Variants in FBLN7 observed in about 807,000 individuals in gnomAD.
FBLN7 encodes the protein fibulin-7.
Under a neutral mutation model 44.0 loss-of-function variants are expected in FBLN7, and 31 were observed. The ratio of observed to expected loss-of-function variants is 0.70; its 90% CI spans 0.53 to 0.95. The LOEUF (loss-of-function observed/expected upper bound fraction) is 0.95. FBLN7 is among the 40% of genes least tolerant of loss of function. FBLN7 has a pLI of 0.00. For missense variants in FBLN7, 573 were observed against 618.5 expected, an observed-to-expected ratio of 0.93 and a Z score of 0.78; for synonymous variants, 262 against 253.4, an observed-to-expected ratio of 1.03 and a Z score of -0.32.
chr2:112,168,384 C>T (rs1682278554), intron 3 of FBLN7, among the ~76,000 whole-genome samples: 1 of 152,220 alleles, frequency 6.6e-6, no homozygotes, highest in Non-Finnish European at 1.5e-5. Flanking sequence ...TCTCTTGAAG[C>T]ATAGATGGGG....
the FBLN7 span, among the ~76,000 whole-genome samples, chr2:112,233,545 ATCT>A: frequency 0.13 from 19,117 of 152,200 alleles, 1,361 homozygotes; most frequent in Non-Finnish European, 0.16. Flanking sequence ...TCTGCTTAAA[ATCT>A]TCTTAAGTCC....
the FBLN7 span, chr2:112,234,085 C>A: frequency 8.1e-7 from 1 of 1,229,974 alleles, no homozygotes; most frequent in Non-Finnish European, 1.1e-6. Flanking sequence ...AGCAGTTTTA[C>A]ATTTTAGTAG....
At chr2:112,175,163 G>C (rs977824699) in intron 3 of FBLN7, among the ~76,000 whole-genome samples, 1 of 152,172 alleles carries the variant, frequency 6.6e-6, no homozygotes, top group Non-Finnish European at 1.5e-5. Context: ...AGCACAGTAG[G>C]GCTTCTGGTT....
chr2:112,143,508 T>A (rs554511939), intron 1 of FBLN7, among the ~76,000 whole-genome samples: 2 of 152,222 alleles, frequency 1.3e-5, no homozygotes, highest in Non-Finnish European at 2.9e-5. Context: ...TTTGATACAT[T>A]GCTTTTTATA....
the FBLN7 span, among the ~76,000 whole-genome samples, chr2:112,244,224 C>T: frequency 1.3e-5 from 2 of 151,994 alleles, no homozygotes; most frequent in African/African-American, 4.8e-5. Flanking sequence ...TAAATTTCAC[C>T]TTTGTAACAC....
At chr2:112,165,768 T>C (rs1017612126) in intron 3 of FBLN7, among the ~76,000 whole-genome samples, 17 of 152,200 alleles carry the variant, frequency 1.1e-4, no homozygotes, top group African/African-American at 3.4e-4. Context: ...GAGAGTCCAC[T>C]GTGTCGGGGA....
In FBLN7 at chr2:112,187,280, G is replaced by A. The variant is rs200640724; in HGVS notation, c.1094G>A (p.Arg365Gln). ...FRMATASAPG[R>Q]AGPNSLRFGI... Reference sequence around the variant, plus strand: ...ATGGCCACAGCCTCTGCCCCCGGCCGAGCTGGGCCCAACAGCCTGCGGTTT... The same window carrying A: ...ATGGCCACAGCCTCTGCCCCCGGCCAAGCTGGGCCCAACAGCCTGCGGTTT... Residue 365 changes from arginine (R) to glutamine (Q), a missense_variant, in exon 8 of 8, where the codon CGA (arginine) becomes CAA (glutamine). Coordinates refer to ENST00000331203, the MANE Select transcript of FBLN7 (RefSeq NM_153214.3). This position sits in a 1 kb window ranked among gnomAD's most constrained non-coding sequence, Gnocchi z 5.1. 9.9e-5 allele frequency: 159 copies of A among 1,614,140 alleles called. No individual in the cohort carries two copies. The highest frequency in any genetic ancestry group is 2.0e-4 in the Admixed American group (12 of 60,018).
chr2:112,175,590 G>A (rs1682700400), intron 3 of FBLN7, 124 bp from the exon 4 acceptor site: 1 of 1,266,594 alleles, frequency 7.9e-7, no homozygotes, highest in African/African-American at 1.5e-5. Context: ...AGTGGGTGGG[G>A]TCAGGTAGAA....
At chr2:112,222,284 G>A in the FBLN7 span, among the ~76,000 whole-genome samples, 1 of 152,068 alleles carries the variant, frequency 6.6e-6, no homozygotes, top group Admixed American at 6.6e-5. Flanking sequence ...TTTACTTCCT[G>A]AGTAAACACG....
intron 7 of FBLN7, among the ~76,000 whole-genome samples, chr2:112,185,653 G>A (rs1267742992): frequency 1.3e-5 from 2 of 152,170 alleles, no homozygotes; most frequent in Admixed American, 6.5e-5. Flanking sequence ...GGAAGAAGCT[G>A]TTGGTGACAT....
intron 2 of FBLN7, among the ~76,000 whole-genome samples, chr2:112,161,301 G>C (rs970603141): frequency 6.6e-6 from 1 of 152,178 alleles, no homozygotes; most frequent in African/African-American, 2.4e-5. Flanking sequence ...CCTGGGGAAG[G>C]CGTTGGATTT....
rs771493705 is a variant in FBLN7 at position 112,175,826 on chromosome 2, T to C, written c.519T>C (p.His173=). The C allele has an allele frequency of 5.0e-6, 8 of 1,614,118 alleles. No individual in the cohort carries two copies. Among genetic ancestry groups the C allele is most frequent in the Non-Finnish European group, 5.9e-6 (7 of 1,179,978 alleles). The change falls in exon 4 of 8, where the codon CAT becomes CAC. Residue 173 remains histidine, a synonymous_variant. Transcript: ENST00000331203. The part of the protein sequence containing the change: ...PPGRTGNRCQ[H]QAQTAAPEGS... ...GAAGGACTGGGAACCGCTGTCAGCA[T>C]CAGGCCCAGACTGGTATGTAGCCAC...
At chr2:112,218,935 T>G in the FBLN7 span, among the ~76,000 whole-genome samples, 1 of 152,156 alleles carries the variant, frequency 6.6e-6, no homozygotes, top group Non-Finnish European at 1.5e-5. Context: ...TATAAAACAC[T>G]GCTGAAAGAA....
At chr2:112,238,642 G>C in the FBLN7 span, 1 of 764,676 alleles carries the variant, frequency 1.3e-6, no homozygotes, top group Non-Finnish European at 2.1e-6. Context: ...GTGGGTAATA[G>C]GTACATGGGA....
At chr2:112,186,665 G>A (rs746805323) in intron 7 of FBLN7, among the ~76,000 whole-genome samples, 4 of 152,060 alleles carry the variant, frequency 2.6e-5, no homozygotes, top group Non-Finnish European at 5.9e-5. Flanking sequence ...AATACATGCT[G>A]CTGTGTTTAG....
chr2:112,191,244 T>G (rs1055724420), downstream of FBLN7, among the ~76,000 whole-genome samples: 3 of 152,130 alleles, frequency 2.0e-5, no homozygotes. Context: ...GGTGCAATCT[T>G]GGCTCACTGC....
At chr2:112,209,732 T>C in the FBLN7 span, among the ~76,000 whole-genome samples, 32 of 152,124 alleles carry the variant, frequency 2.1e-4, no homozygotes, top group African/African-American at 7.7e-4. Context: ...GTAGGAACCC[T>C]ATATAGGGAA....
chr2:112,180,756 T>TA (rs947909415), intron 4 of FBLN7, among the ~76,000 whole-genome samples: 1 of 151,268 alleles, frequency 6.6e-6, no homozygotes, highest in African/African-American at 2.4e-5. Flanking sequence ...CCGTCTCTAC[T>TA]AAAAAAATAC....
In FBLN7 at chr2:112,165,038, A is replaced by G. The variant is rs1682077697; in HGVS notation, c.273A>G (p.Arg91=). ...CPALNTPADG[R]KFGSKYLVDH... is the part of the protein sequence containing the mutation. The stretch of plus-strand genomic sequence containing the variant: ...CTCTGAACACCCCCGCAGACGGCAG[A>G]AAGTTTGGAAGCAAGTACTTAGTGG... Residue 91 remains arginine, a synonymous_variant, in exon 3 of 8, where the codon AGA becomes AGG. Coordinates refer to ENST00000331203, the MANE Select transcript of FBLN7 (RefSeq NM_153214.3). 3.1e-6 allele frequency: 5 copies of G among 1,614,158 alleles called. No individual in the cohort carries two copies. The highest frequency in any genetic ancestry group is 4.2e-6 in the Non-Finnish European group (5 of 1,180,024).
Sources: gnomAD v4.1 joint callset for allele counts (sites outside exome capture counted in the v4.1 genomes callset) on GRCh38, gnomAD v4.1.1 for gene constraint, Gnocchi (gnomAD v3.1) non-coding constraint, MANE v1.5 for transcripts, NCBI Gene and HGNC (gene_info 2026-07-23, HGNC 2026-07-21) for gene names.